NUP88: variants seen among roughly 807,000 people sequenced by gnomAD.
NUP88 encodes the protein nuclear pore complex protein Nup88.
In NUP88, 57 loss-of-function variants were observed where a neutral mutation model predicts 93.9. The ratio of observed to expected loss-of-function variants is 0.61; its 90% confidence interval spans 0.49 to 0.76. NUP88 has a LOEUF of 0.76. NUP88 is among the 30% of genes least tolerant of loss of function. The pLI, the probability that NUP88 is intolerant of heterozygous loss-of-function variation, is 0.00. For missense variants in NUP88, 911 were observed against 901.0 expected, an observed-to-expected ratio of 1.01 and a Z score of -0.14; for synonymous variants, 346 against 336.8, an observed-to-expected ratio of 1.03 and a Z score of -0.30.
chr17:5,399,779 T>A, intron 7 of NUP88, 129 bp from the exon 8 acceptor site: 1 of 501,750 alleles, frequency 2.0e-6, no homozygotes, highest in Non-Finnish European at 3.6e-6. Context: ...TAAAAGACTT[T>A]CATATTGTTA....
chr17:5,409,013 G>C, intron 4 of NUP88, 104 bp from the exon 5 acceptor site: 1 of 897,440 alleles, frequency 1.1e-6, no homozygotes, highest in Non-Finnish European at 1.6e-6. Flanking sequence ...AACAGGAGGT[G>C]GGTATGTATG....
chr17:5,386,931 A>AT, intron 15 of NUP88, 53 bp downstream of exon 15: 1 of 1,603,744 alleles, frequency 6.2e-7, no homozygotes, highest in Non-Finnish European at 8.5e-7. Flanking sequence ...TTTCTGTAGA[A>AT]TAAGTGCTTT....
In NUP88 at chr17:5,405,062, G is replaced by C. The variant is rs777986025; in HGVS notation, c.1039C>G (p.His347Asp). 1 of 1,613,554 alleles carries C rather than the reference G, an allele frequency of 6.2e-7. No homozygotes were observed. Among genetic ancestry groups the C allele is most frequent in the East Asian group, 2.2e-5 (1 of 44,856 alleles). ...CCACAGCAGCCTGCACTTACCGTGT[G>C]GTCATCTTCTTCTTCCCCTTCTAGC... Reference protein sequence around the residue: ...VVLEGEEEDDHTSEKSWDSRI... With the variant: ...VVLEGEEEDDDTSEKSWDSRI... The change falls in exon 6 of 17, where the codon CAC becomes GAC. Residue 347 changes from histidine to aspartate, a missense_variant. Coordinates refer to ENST00000573584, the MANE Select transcript of NUP88 (RefSeq NM_002532.6).
Position 5,387,031 on chromosome 17 carries a change from G to C in NUP88, c.1996C>G (p.Gln666Glu). The C allele has an allele frequency of 6.2e-7, 1 of 1,614,056 alleles. No individual in the cohort carries two copies. Among genetic ancestry groups the C allele is most frequent in the Non-Finnish European group, 8.5e-7 (1 of 1,179,922 alleles). ...DSERDMKKEL[Q>E]LIPDQLRHLG... ...TGTCGAAGTTGATCAGGTATCAGCTGTAATTCTTTCTTCATGTCTCGCTCA... is the reference window on the plus strand; with the variant it reads ...TGTCGAAGTTGATCAGGTATCAGCTCTAATTCTTTCTTCATGTCTCGCTCA... Residue 666 changes from glutamine (Q) to glutamate (E), a missense_variant, in exon 15 of 17, where the codon CAG (glutamine) becomes GAG (glutamate). Physicochemically the swap from Gln to Glu is conservative, Grantham distance 29 (BLOSUM62 2). Coordinates refer to ENST00000573584, the MANE Select transcript of NUP88 (RefSeq NM_002532.6).
chr17:5,387,982 G>A (rs1478354351), intron 11 of NUP88, 78 bp from the exon 12 acceptor site: 4 of 1,428,586 alleles, frequency 2.8e-6, no homozygotes, highest in Non-Finnish European at 3.8e-6. Flanking sequence ...AGTCACAGGT[G>A]CTTTTTAAAC....
intron 10 of NUP88, 179 bp downstream of exon 10, chr17:5,391,382 A>G (rs1597315650): frequency 1.1e-5 from 6 of 560,076 alleles, no homozygotes; most frequent in South Asian, 4.6e-5. Flanking sequence ...CTATACCTAC[A>G]ATGAAACCTT....
At chr17:5,401,249 G>A (rs931782392) in intron 7 of NUP88, among the ~76,000 whole-genome samples, 2 of 152,024 alleles carry the variant, frequency 1.3e-5, no homozygotes, top group African/African-American at 4.8e-5. Flanking sequence ...CAGGCGTGGC[G>A]GCACATGCCT....
At chr17:5,396,836 G>A (rs761859966) in intron 8 of NUP88, among the ~76,000 whole-genome samples, 4 of 152,182 alleles carry the variant, frequency 2.6e-5, no homozygotes, top group African/African-American at 4.8e-5. Flanking sequence ...TGGATATGAC[G>A]TGATACCTCA....
chr17:5,385,305 A>G lies in NUP88; in HGVS notation c.*901T>C, dbSNP rs1279513221. 1 of 230,990 alleles carries G rather than the reference A, an allele frequency of 4.3e-6. No individual in the cohort carries two copies. The highest frequency in any genetic ancestry group is 8.6e-6 in the Non-Finnish European group (1 of 116,730). 14.3% of individuals were successfully genotyped at this position (230,990 alleles called of 1,614,324 possible). A position where few individuals can be genotyped will look rare whatever the true frequency, so the allele number is the denominator to read the frequency against. On this transcript the variant is annotated 3_prime_UTR_variant, in exon 17 of 17. Coordinates refer to ENST00000573584, the MANE Select transcript of NUP88 (RefSeq NM_002532.6). ...GTAGAAGGCAGGATTTAGCCCTTCT[A>G]GGCAAAAGAAAAGCTCAGTTGGGTT...
chr17:5,395,030 C>T (rs747599946), intron 8 of NUP88, 49 bp from the exon 9 acceptor site: 2 of 1,141,976 alleles, frequency 1.8e-6, no homozygotes, highest in South Asian at 2.5e-5. Flanking sequence ...GACAAGTCTC[C>T]AAATTAAAAT....
At chr17:5,395,587 GGCCCAATCTCT>G (rs1912725687) in intron 8 of NUP88, among the ~76,000 whole-genome samples, 1 of 151,186 alleles carries the variant, frequency 6.6e-6, no homozygotes, top group African/African-American at 2.4e-5. Context: ...GGAGCGCAGT[GGCCCAATCTCT>G]GCTCAATGCA....
At chr17:5,395,534 C>CTTTTTTT (rs113574323) in intron 8 of NUP88, among the ~76,000 whole-genome samples, 1 of 149,874 alleles carries the variant, frequency 6.7e-6, no homozygotes, top group Non-Finnish European at 1.5e-5. Context: ...TTTATAACAG[C>CTTTTTTT]TTTATTTTTT....
At chr17:5,390,716 TTAA>T (rs1752840923) in intron 10 of NUP88, among the ~76,000 whole-genome samples, 2 of 152,132 alleles carry the variant, frequency 1.3e-5, no homozygotes, top group Admixed American at 6.5e-5. Context: ...GTTTTTTTTT[TTAA>T]AAGACACAGG....
intron 6 of NUP88, among the ~76,000 whole-genome samples, chr17:5,404,534 A>G (rs1048181100): frequency 1.9e-4 from 29 of 152,110 alleles, no homozygotes; most frequent in African/African-American, 6.8e-4. Context: ...GAATCGCTTG[A>G]ACTCAGGAGG....
At chr17:5,413,565 G>A (rs146527938) in intron 3 of NUP88, among the ~76,000 whole-genome samples, 60 of 152,250 alleles carry the variant, frequency 3.9e-4, no homozygotes, top group African/African-American at 1.3e-3. Context: ...TGGAAGGGGC[G>A]TTAGAAACTA....
intron 2 of NUP88, among the ~76,000 whole-genome samples, chr17:5,415,708 C>T (rs1342610829): frequency 1.3e-5 from 2 of 152,138 alleles, no homozygotes; most frequent in Non-Finnish European, 2.9e-5. Flanking sequence ...ATCGGGGATC[C>T]TCTGCTGTGT....
chr17:5,403,124 G>A lies in NUP88; in HGVS notation c.1192+975C>T, dbSNP rs1313331585. Among the ~76,000 whole-genome samples, 4 of 152,170 alleles carry A rather than the reference G, an allele frequency of 2.6e-5. No homozygotes were observed. The East Asian group carries it at 7.7e-4, about 29-fold the overall frequency. ...TCTGGAAGGCCGAGGCAGGTGGACT[G>A]CTTGAGGCCAGGAGTTTGAGACCAG... On this transcript the variant is annotated intron_variant, in intron 7 of 16. Transcript: ENST00000573584.
In NUP88 at chr17:5,416,419, A is replaced by C. The variant is rs1597332727; in HGVS notation, c.467+94T>G. 7.4e-6 allele frequency: 6 copies of C among 808,606 alleles called. No individual in the cohort carries two copies. In the East Asian group the frequency reaches 1.7e-4, roughly 23 times the overall value. The allele number at this position is 808,606 out of a possible 1,614,324, so 50.1% of individuals were successfully genotyped here. ...ACCACGAGGAGTGTTTTAATGTTTT[A>C]AGAGTAGTATACTAAACATGCTTAA... is the stretch of plus-strand genomic sequence containing the variant. On this transcript the variant is annotated intron_variant, in intron 2 of 16. Transcript: ENST00000573584.
chr17:5,393,829 T>C (rs56190856), intron 9 of NUP88, among the ~76,000 whole-genome samples: 66,780 of 152,070 alleles, frequency 0.44, 15,464 homozygotes, highest in East Asian at 0.85. Context: ...CAAACCTAGA[T>C]TATGTCTATT....
Sources: gnomAD v4.1 joint callset for allele counts (sites outside exome capture counted in the v4.1 genomes callset) on GRCh38, gnomAD v4.1.1 for gene constraint, MANE v1.5 for transcripts, NCBI Gene and HGNC (gene_info 2026-07-23, HGNC 2026-07-21) for gene names.